ME3: variants seen among roughly 807,000 people sequenced by gnomAD.
ME3 encodes the protein malic enzyme 3, also known as NADP-dependent malic enzyme, mitochondrial.
ME3 carries 48 observed loss-of-function variants against 68.9 expected under a neutral mutation model. The ratio of observed to expected loss-of-function variants is 0.70; its 90% CI spans 0.55 to 0.89. The LOEUF is 0.89. Among genes scored for constraint, ME3 ranks in the 40% least tolerant of loss-of-function variants. ME3 has a pLI of 0.00. For synonymous variants in ME3, 320 were observed against 318.8 expected, an observed-to-expected ratio of 1.00 and a Z score of -0.04; for missense variants, 675 against 797.4, an observed-to-expected ratio of 0.85 and a Z score of 1.85.
At position 86,446,260 on chromosome 11, in the gene ME3, G is replaced by T. The variant is rs896099438; in HGVS notation, c.1554+54C>A. 8 of 1,591,380 alleles carry T rather than the reference G, an allele frequency of 5.0e-6. No homozygotes were observed. In the African/African-American group the frequency reaches 6.7e-5, roughly 13 times the overall value. On this transcript the variant is annotated intron_variant, in intron 13 of 14. Coordinates refer to ENST00000543262, the Ensembl canonical transcript of ME3. ...TAAGAGAGATCTGGTATAGGACCCA[G>T]TGTCAACCCACAGACCCTACTGCAA...
intron 14 of ME3, among the ~76,000 whole-genome samples, 193 bp downstream of exon 14, chr11:86,442,628 G>C (rs1376301288): frequency 6.6e-6 from 1 of 152,030 alleles, no homozygotes; most frequent in Non-Finnish European, 1.5e-5. Context: ...CCCAGAACTG[G>C]CCTGGGTGGG....
intron 7 of ME3, among the ~76,000 whole-genome samples, chr11:86,465,642 A>G (rs1950440924): frequency 6.6e-6 from 1 of 152,202 alleles, no homozygotes; most frequent in African/African-American, 2.4e-5. Context: ...GAGCCCCTGC[A>G]TCCTCCAAAT....
At chr11:86,483,472 G>T (rs1488599483) in intron 7 of ME3, among the ~76,000 whole-genome samples, 2 of 152,038 alleles carry the variant, frequency 1.3e-5, no homozygotes, top group Admixed American at 1.3e-4. Flanking sequence ...GAGAAATTGT[G>T]ATTTCCAATA....
At chr11:86,648,943 G>T (rs1945217252) in intron 2 of ME3, among the ~76,000 whole-genome samples, 1 of 152,134 alleles carries the variant, frequency 6.6e-6, no homozygotes, top group South Asian at 2.1e-4. Context: ...AACAGAAAAA[G>T]AAGGACTCTG....
chr11:86,630,082 T>C (rs1014110406), intron 2 of ME3, among the ~76,000 whole-genome samples: 1 of 152,174 alleles, frequency 6.6e-6, no homozygotes, highest in Non-Finnish European at 1.5e-5. Context: ...ACATCCCCTA[T>C]TGAATAGAGA....
chr11:86,521,178 G>C (rs1028845368), intron 4 of ME3, among the ~76,000 whole-genome samples: 2 of 152,094 alleles, frequency 1.3e-5, no homozygotes, highest in African/African-American at 4.8e-5. Flanking sequence ...TCACGCACGA[G>C]GTCAGGAGAT....
At chr11:86,566,165 G>A (rs1957471439) in intron 2 of ME3, among the ~76,000 whole-genome samples, 1 of 152,190 alleles carries the variant, frequency 6.6e-6, no homozygotes, top group Non-Finnish European at 1.5e-5. Flanking sequence ...CATCAAGAAG[G>A]AAGGGGCCAG....
chr11:86,462,510 A>G (rs963420393), intron 8 of ME3: 2 of 1,142,310 alleles, frequency 1.8e-6, no homozygotes, highest in Non-Finnish European at 2.2e-6. Context: ...TACATGAATG[A>G]TGACCTGGAT....
At chr11:86,459,846 G>A (rs1950143116) in intron 8 of ME3, among the ~76,000 whole-genome samples, 1 of 152,202 alleles carries the variant, frequency 6.6e-6, no homozygotes, top group Admixed American at 6.5e-5. Context: ...TGGAGATTTA[G>A]CAGGATTGGT....
At chr11:86,623,833 C>T (rs1943496002) in intron 2 of ME3, among the ~76,000 whole-genome samples, 1 of 152,108 alleles carries the variant, frequency 6.6e-6, no homozygotes, top group Admixed American at 6.5e-5. Context: ...ACATACTTTT[C>T]CCCTCTGGAG....
rs139844035 is a variant in ME3 at position 86,637,863 on chromosome 11, A to G, written c.183+33899T>C. 1.3e-5 allele frequency among the ~76,000 whole-genome samples: 2 copies of G among 152,192 alleles called. 1 individual carries two copies. Among genetic ancestry groups the G allele is most frequent in the African/African-American group, 4.8e-5 (2 of 41,504 alleles). ...CATCCTGAACTCTGCACACACAGAA[A>G]AATAGTCACTGATGATTACAGGGCA... On this transcript the variant is annotated intron_variant, in intron 2 of 14. Coordinates refer to ENST00000543262, the Ensembl canonical transcript of ME3.
At chr11:86,643,174 G>C (rs1329815969) in intron 2 of ME3, among the ~76,000 whole-genome samples, 1 of 152,102 alleles carries the variant, frequency 6.6e-6, no homozygotes, top group Non-Finnish European at 1.5e-5. Flanking sequence ...TTCTTGACTA[G>C]TCTCCCAGAC....
At chr11:86,654,809 C>G (rs1204315315) in intron 2 of ME3, among the ~76,000 whole-genome samples, 2 of 152,136 alleles carry the variant, frequency 1.3e-5, no homozygotes, top group Non-Finnish European at 2.9e-5. Context: ...GTCAAATTGT[C>G]CCTGTTTGCA....
At chr11:86,550,739 T>C (rs975250014) in intron 4 of ME3, among the ~76,000 whole-genome samples, 1 of 152,056 alleles carries the variant, frequency 6.6e-6, no homozygotes, top group African/African-American at 2.4e-5. Flanking sequence ...TTTGTGTGTA[T>C]TCCCAACCAA....
intron 2 of ME3, among the ~76,000 whole-genome samples, chr11:86,586,189 G>A (rs1304571676): frequency 6.6e-6 from 1 of 152,198 alleles, no homozygotes; most frequent in East Asian, 1.9e-4. Flanking sequence ...CTCACTTCCA[G>A]GTATAGGGGC....
chr11:86,631,465 A>C (rs763131319), intron 2 of ME3, among the ~76,000 whole-genome samples: 1 of 152,154 alleles, frequency 6.6e-6, no homozygotes, highest in African/African-American at 2.4e-5. Flanking sequence ...ACTCATAAGA[A>C]AACCGTGGGC....
chr11:86,465,050 G>A (rs780909512), intron 8 of ME3, 41 bp downstream of exon 8: 2 of 1,495,900 alleles, frequency 1.3e-6, no homozygotes, highest in Middle Eastern at 1.7e-4. Context: ...GAGAATATAA[G>A]TTAGTCCCCT....
At chr11:86,510,215 C>T (rs990184766) in intron 4 of ME3, among the ~76,000 whole-genome samples, 9 of 152,190 alleles carry the variant, frequency 5.9e-5, no homozygotes, top group African/African-American at 2.2e-4. Context: ...ACCAAAACTG[C>T]TCTTGCAAAG....
chr11:86,560,727 T>C (rs1302694269), intron 2 of ME3, among the ~76,000 whole-genome samples: 2 of 95,432 alleles, frequency 2.1e-5, no homozygotes, highest in African/African-American at 9.2e-5. Context: ...TGTGTGTGTA[T>C]GTGTGTGTGT....
Sources: allele counts gnomAD v4.1 joint callset (sites outside exome capture counted in the v4.1 genomes callset), GRCh38; gene constraint gnomAD v4.1.1; transcripts MANE v1.5; gene names NCBI Gene and HGNC (gene_info 2026-07-23, HGNC 2026-07-21).